Variants in AGBL4 observed in about 807,000 individuals in gnomAD.
AGBL4 encodes the protein AGBL carboxypeptidase 4.
A neutral mutation model predicts 66.4 loss-of-function variants in AGBL4; 58 were observed. The ratio of observed to expected loss-of-function variants is 0.87; its 90% CI spans 0.71 to 1.09. AGBL4 has a LOEUF of 1.09. Among genes scored for constraint, AGBL4 ranks in the 50% least tolerant of loss-of-function variants. The pLI, the probability that AGBL4 is intolerant of heterozygous loss-of-function variation, is 0.00. For missense variants in AGBL4, 579 were observed against 631.0 expected (o/e 0.92, Z 0.88); for synonymous variants, 234 against 222.9 (o/e 1.05, Z -0.44).
chr1:49,761,506 G>A (rs1038191034), intron 2 of AGBL4, among the ~76,000 whole-genome samples: 2 of 152,102 alleles, frequency 1.3e-5, no homozygotes, highest in Non-Finnish European at 2.9e-5. Flanking sequence ...TGAGACCTTC[G>A]TTAGTCTCTT....
Position 49,044,601 on chromosome 1 carries a change from A to C in AGBL4, c.594+983T>G, listed in dbSNP as rs1032145324. ...CCAGAACCTGTCACTGTGTTACCTC[A>C]CATAACAAACGGGACTTCACAGATA... On this transcript the variant is annotated intron_variant, in intron 5 of 13. Coordinates refer to ENST00000371839, the MANE Select transcript of AGBL4 (RefSeq NM_032785.4). 8.5e-5 allele frequency among the ~76,000 whole-genome samples: 13 copies of C among 152,294 alleles called. No homozygotes were observed. In the South Asian group the frequency reaches 1.4e-3, roughly 17 times the overall value.
intron 4 of AGBL4, among the ~76,000 whole-genome samples, chr1:49,154,496 G>C (rs965452831): frequency 6.6e-6 from 1 of 151,928 alleles, no homozygotes; most frequent in African/African-American, 2.4e-5. Flanking sequence ...ACAAAATACT[G>C]GTAACCCTAA....
intron 3 of AGBL4, among the ~76,000 whole-genome samples, chr1:49,250,286 A>C (rs1257039441): frequency 6.6e-6 from 1 of 152,140 alleles, no homozygotes; most frequent in Admixed American, 6.5e-5. Context: ...ACTAGACTCA[A>C]ATAAGTGGAA....
intron 2 of AGBL4, among the ~76,000 whole-genome samples, chr1:49,735,330 T>TA (rs1384601152): frequency 2.7e-5 from 4 of 148,332 alleles, no homozygotes; most frequent in South Asian, 2.1e-4. Flanking sequence ...TGTGTGTGTG[T>TA]GTGTAGAGAG....
intron 1 of AGBL4, among the ~76,000 whole-genome samples, chr1:49,960,377 T>C (rs1014220636): frequency 4.6e-5 from 7 of 151,890 alleles, no homozygotes; most frequent in Non-Finnish European, 1.0e-4. Flanking sequence ...TTTAATCTCA[T>C]AGAAGAAAAG....
chr1:49,877,217 G>A (rs976273611), intron 1 of AGBL4, among the ~76,000 whole-genome samples: 4 of 151,114 alleles, frequency 2.6e-5, no homozygotes, highest in Admixed American at 1.3e-4. Flanking sequence ...TGGTGAGAGA[G>A]GGCATCCCTG....
At chr1:48,790,462 A>G (rs1213986105) in intron 6 of AGBL4, among the ~76,000 whole-genome samples, 4 of 152,194 alleles carry the variant, frequency 2.6e-5, no homozygotes, top group African/African-American at 9.7e-5. Flanking sequence ...ACCTTAAAAT[A>G]GAGTTATGAA....
At chr1:49,887,323 A>G (rs1194644072) in intron 1 of AGBL4, among the ~76,000 whole-genome samples, 1 of 151,664 alleles carries the variant, frequency 6.6e-6, no homozygotes, top group Non-Finnish European at 1.5e-5. Flanking sequence ...GAAGGGGAGA[A>G]GGAAGAATCC....
At chr1:49,126,505 T>C (rs1645767146) in intron 4 of AGBL4, among the ~76,000 whole-genome samples, 1 of 152,070 alleles carries the variant, frequency 6.6e-6, no homozygotes, top group African/African-American at 2.4e-5. Context: ...GGGCAGGCAG[T>C]TTATTCATAT....
intron 5 of AGBL4, among the ~76,000 whole-genome samples, chr1:48,987,166 AG>A (rs1660243806): frequency 1.3e-5 from 2 of 152,024 alleles, no homozygotes; most frequent in South Asian, 4.1e-4. Context: ...ACAGAAACAA[AG>A]ACTAGATGAA....
At chr1:48,587,836 G>A (rs952676033) in intron 10 of AGBL4, among the ~76,000 whole-genome samples, 7 of 151,428 alleles carry the variant, frequency 4.6e-5, no homozygotes, top group Admixed American at 3.3e-4. Flanking sequence ...CAGAGACAGG[G>A]TTTCACTGTG....
At chr1:49,451,816 A>G (rs78525057) in intron 3 of AGBL4, among the ~76,000 whole-genome samples, 4,004 of 152,066 alleles carry the variant, frequency 0.026, 94 homozygotes, top group Non-Finnish European at 0.042. Context: ...AGACAATTGT[A>G]GAGTAAAGGA....
At chr1:49,590,183 C>A (rs1644725523) in intron 3 of AGBL4, among the ~76,000 whole-genome samples, 1 of 151,916 alleles carries the variant, frequency 6.6e-6, no homozygotes, top group Non-Finnish European at 1.5e-5. Flanking sequence ...ACGTTGACTA[C>A]AGTAATATTT....
At chr1:49,817,715 T>C (rs1645265783) in intron 2 of AGBL4, among the ~76,000 whole-genome samples, 2 of 118,860 alleles carry the variant, frequency 1.7e-5, no homozygotes, top group African/African-American at 2.5e-5. Context: ...TTGCTTTCCA[T>C]ATTTTACCCT....
intron 5 of AGBL4, 147 bp downstream of exon 5, chr1:49,045,437 T>G: frequency 1.7e-6 from 1 of 584,838 alleles, no homozygotes; most frequent in Non-Finnish European, 2.9e-6. Flanking sequence ...ACTAATTATA[T>G]AATTGTTTAA....
chr1:48,686,017 G>C (rs1388054792), intron 6 of AGBL4, among the ~76,000 whole-genome samples: 2 of 152,134 alleles, frequency 1.3e-5, no homozygotes, highest in African/African-American at 4.8e-5. Flanking sequence ...GCTCAGTATG[G>C]TCAATTGACT....
intron 3 of AGBL4, among the ~76,000 whole-genome samples, chr1:49,264,386 G>C (rs920623334): frequency 6.6e-6 from 1 of 152,044 alleles, no homozygotes; most frequent in Non-Finnish European, 1.5e-5. Flanking sequence ...TTTTCCAAAC[G>C]GTTAGCAAGT....
At chr1:49,496,271 T>G (rs1455587144) in intron 3 of AGBL4, among the ~76,000 whole-genome samples, 6 of 152,026 alleles carry the variant, frequency 3.9e-5, no homozygotes, top group African/African-American at 1.4e-4. Flanking sequence ...TTGGCAAAAA[T>G]ATTGTATACA....
chr1:49,788,486 A>G (rs1644515756), intron 2 of AGBL4, among the ~76,000 whole-genome samples: 1 of 152,084 alleles, frequency 6.6e-6, no homozygotes, highest in Non-Finnish European at 1.5e-5. Flanking sequence ...TTTTGGAAAC[A>G]AAGAGCATAT....
Sources: gnomAD v4.1 joint callset for allele counts (sites outside exome capture counted in the v4.1 genomes callset) on GRCh38, gnomAD v4.1.1 for gene constraint, MANE v1.5 for transcripts, NCBI Gene and HGNC (gene_info 2026-07-23, HGNC 2026-07-21) for gene names.